INVS: variants seen among roughly 807,000 people sequenced by gnomAD.
INVS encodes inversin.
In INVS, 86 loss-of-function variants were observed where a neutral mutation model predicts 108.8. That is an observed-to-expected ratio of 0.79 (90% CI 0.66 to 0.95). INVS has a LOEUF of 0.95. Among genes scored for constraint, INVS ranks in the 40% least tolerant of loss-of-function variants. The pLI is 0.00. For missense variants in INVS, 1,169 were observed against 1,297.4 expected (o/e 0.90, Z 1.52); for synonymous variants, 455 against 473.5 (o/e 0.96, Z 0.51).
At chr9:100,162,160 C>T (rs1287639948) in intron 3 of INVS, among the ~76,000 whole-genome samples, 1 of 152,164 alleles carries the variant, frequency 6.6e-6, no homozygotes, top group Non-Finnish European at 1.5e-5. Context: ...GCAGTCTATG[C>T]TCTAACTGAT....
intron 11 of INVS, among the ~76,000 whole-genome samples, chr9:100,267,363 G>A (rs1832827916): frequency 6.6e-6 from 1 of 152,182 alleles, no homozygotes; most frequent in Admixed American, 6.5e-5. Context: ...TGTTTCATCA[G>A]CAATGTACCT....
intron 3 of INVS, among the ~76,000 whole-genome samples, chr9:100,195,251 C>T (rs192870236): frequency 2.6e-4 from 39 of 152,266 alleles, no homozygotes; most frequent in Admixed American, 2.4e-3. Context: ...GAATTTAAAC[C>T]AAGAGTTGGT....
chr9:100,229,140 ATTAAG>A (rs1831430824), intron 4 of INVS, among the ~76,000 whole-genome samples: 1 of 152,140 alleles, frequency 6.6e-6, no homozygotes, highest in African/African-American at 2.4e-5. Context: ...ATTTTTTCTT[ATTAAG>A]TTGAGAGCTT....
chr9:100,264,928 G>C lies in INVS; in HGVS notation c.1571G>C (p.Arg524Thr). Reference sequence around the variant, plus strand: ...AATCAGATGGAAAACAATGAAGAGAGGTAAGTTGTTGTTGACTTTTTTTTT... The same window carrying C: ...AATCAGATGGAAAACAATGAAGAGACGTAAGTTGTTGTTGACTTTTTTTTT... ...FPNQMENNEE[R>T]YTPLDYALLG... is the part of the protein sequence containing the mutation. The change falls in exon 11 of 17, where the codon AGA becomes ACA. Residue 524 changes from arginine to threonine, a missense_variant and splice_region_variant. Transcript: ENST00000262457. The C allele has an allele frequency of 6.3e-7, 1 of 1,592,448 alleles. No individual in the cohort carries two copies.
chr9:100,209,808 G>A (rs73491426), intron 3 of INVS, among the ~76,000 whole-genome samples: 28,270 of 147,470 alleles, frequency 0.19, 4,384 homozygotes, highest in African/African-American at 0.44. Context: ...CTTCAGTACT[G>A]CTTCAGAAGA....
intron 5 of INVS, among the ~76,000 whole-genome samples, chr9:100,236,210 G>T (rs1203900806): frequency 6.6e-6 from 1 of 152,144 alleles, no homozygotes. Flanking sequence ...GCTCCATCAG[G>T]TCATTTATGT....
At chr9:100,261,796 C>A (rs1003641040) in intron 10 of INVS, among the ~76,000 whole-genome samples, 2 of 152,132 alleles carry the variant, frequency 1.3e-5, no homozygotes, top group South Asian at 2.1e-4. Flanking sequence ...TGAATTGGAA[C>A]CTTCAATACA....
rs147389125 is a variant in INVS at position 100,146,121 on chromosome 9, C to T, written c.273+19572C>T. ...CCGAGTCACAGCACCAAATTTCATGCGCATCTGTGTAAAGAGACCAACAAG... is the reference window on the plus strand; with the variant it reads ...CCGAGTCACAGCACCAAATTTCATGTGCATCTGTGTAAAGAGACCAACAAG... On this transcript the variant is annotated intron_variant, in intron 3 of 16. Coordinates refer to ENST00000262457, the MANE Select transcript of INVS (RefSeq NM_014425.5). 6.6e-4 allele frequency among the ~76,000 whole-genome samples: 100 copies of T among 152,252 alleles called. 2 individuals carry two copies. In the East Asian group the frequency reaches 0.015, roughly 23 times the overall value.
intron 12 of INVS, among the ~76,000 whole-genome samples, chr9:100,281,191 A>G (rs1833264976): frequency 1.3e-5 from 2 of 152,358 alleles, no homozygotes; most frequent in Middle Eastern, 6.8e-3. Flanking sequence ...TTTTACCAGG[A>G]GATAAAGCAG....
At chr9:100,215,244 T>C (rs1830951143) in intron 3 of INVS, among the ~76,000 whole-genome samples, 1 of 152,182 alleles carries the variant, frequency 6.6e-6, no homozygotes, top group South Asian at 2.1e-4. Context: ...CCCTTTTGGC[T>C]GGCTGCCACC....
chr9:100,161,387 A>AAACAAAAAAAAAAC, intron 3 of INVS, among the ~76,000 whole-genome samples: 1 of 151,370 alleles, frequency 6.6e-6, no homozygotes, highest in Non-Finnish European at 1.5e-5. Flanking sequence ...AAAAAAAAAA[A>AAACAAAAAAAAAAC]AAAAACCTCA....
intron 3 of INVS, among the ~76,000 whole-genome samples, chr9:100,198,264 A>ATTTTTTTTTTT (rs66710233): frequency 1.1e-4 from 7 of 65,286 alleles, no homozygotes; most frequent in East Asian, 4.8e-4. Flanking sequence ...GAGGGCTAGA[A>ATTTTTTTTTTT]TTTTTTTTTT....
intron 3 of INVS, among the ~76,000 whole-genome samples, chr9:100,224,892 G>C (rs1028899398): frequency 2.7e-5 from 4 of 150,152 alleles, no homozygotes; most frequent in Non-Finnish European, 5.9e-5. Flanking sequence ...GGGATTACAG[G>C]CATGAGCCAC....
At chr9:100,161,800 C>T (rs1302964918) in intron 3 of INVS, among the ~76,000 whole-genome samples, 1 of 152,160 alleles carries the variant, frequency 6.6e-6, no homozygotes, top group African/African-American at 2.4e-5. Flanking sequence ...AGACTTAAAT[C>T]TTGCCTTGAT....
chr9:100,253,015 A>G lies in INVS; in HGVS notation c.1343A>G (p.Asn448Ser). The change falls in exon 10 of 17, where the codon AAT becomes AGT. Residue 448 changes from asparagine to serine, a missense_variant. Transcript: ENST00000262457. ...CAGATATTAATAGAAAATAAGATCAATCCAAATGTCCAGGATTATGCAGGA... is the reference window on the plus strand; with the variant it reads ...CAGATATTAATAGAAAATAAGATCAGTCCAAATGTCCAGGATTATGCAGGA... ...VCQILIENKINPNVQDYAGRT... is the reference protein window; with the variant it reads ...VCQILIENKISPNVQDYAGRT... 1 of 1,614,010 alleles carries G rather than the reference A, an allele frequency of 6.2e-7. No homozygotes were observed. Among genetic ancestry groups the G allele is most frequent in the Non-Finnish European group, 8.5e-7 (1 of 1,179,882 alleles).
At chr9:100,101,960 C>G (rs2118807916) in intron 1 of INVS, 1 of 152,292 alleles carries the variant, frequency 6.6e-6, no homozygotes, top group Admixed American at 6.5e-5. Flanking sequence ...TGTTTAAGAT[C>G]ACTGATGCAA....
intron 10 of INVS, among the ~76,000 whole-genome samples, chr9:100,255,001 G>A (rs998168851): frequency 5.3e-5 from 8 of 152,170 alleles, no homozygotes; most frequent in Admixed American, 2.0e-4. Context: ...TATAAATTAT[G>A]TTGGGCAATA....
chr9:100,171,187 C>A (rs1829531078), intron 3 of INVS, among the ~76,000 whole-genome samples: 2 of 152,090 alleles, frequency 1.3e-5, no homozygotes, highest in Admixed American at 1.3e-4. Flanking sequence ...CAATGGTGGT[C>A]CCATGAGCCG....
chr9:100,116,965 G>C, intron 2 of INVS: 1 of 1,558,344 alleles, frequency 6.4e-7, no homozygotes, highest in Non-Finnish European at 8.7e-7. Flanking sequence ...GGGCTGAGGT[G>C]TAGCAGTCAT....
Sources: gnomAD v4.1 joint callset for allele counts (sites outside exome capture counted in the v4.1 genomes callset) on GRCh38, gnomAD v4.1.1 for gene constraint, MANE v1.5 for transcripts, NCBI Gene and HGNC (gene_info 2026-07-23, HGNC 2026-07-21) for gene names.